ANKRD18A: variants seen among roughly 807,000 people sequenced by gnomAD.
ANKRD18A encodes the protein ankyrin repeat domain 18A.
In ANKRD18A, 72 loss-of-function variants were observed where a neutral mutation model predicts 110.6. The ratio of observed to expected loss-of-function variants is 0.65; its 90% CI spans 0.54 to 0.79. ANKRD18A has a LOEUF of 0.79. ANKRD18A is among the 30% of genes least tolerant of loss of function. The pLI, the probability that ANKRD18A is intolerant of heterozygous loss-of-function variation, is 0.00. For synonymous variants in ANKRD18A, 305 were observed against 410.3 expected, an observed-to-expected ratio of 0.74 and a Z score of 3.10; for missense variants, 934 against 1,163.3, an observed-to-expected ratio of 0.80 and a Z score of 2.87.
intron 3 of ANKRD18A, among the ~76,000 whole-genome samples, chr9:38,614,260 G>A (rs1428325042): frequency 8.3e-6 from 1 of 120,172 alleles, no homozygotes; most frequent in Non-Finnish European, 1.6e-5. Flanking sequence ...GTTGTGGTAA[G>A]AGACAAGAGT....
downstream of ANKRD18A, chr9:38,567,313 T>G (rs13293966): frequency 2.6e-5 from 4 of 152,062 alleles, no homozygotes; most frequent in Non-Finnish European, 4.4e-5. Context: ...CCTGGCACTA[T>G]CTCTTTGCTA....
At chr9:38,598,086 T>A (rs1824965225) in intron 8 of ANKRD18A, among the ~76,000 whole-genome samples, 1 of 152,216 alleles carries the variant, frequency 6.6e-6, no homozygotes, top group African/African-American at 2.4e-5. Flanking sequence ...TGGGAATATT[T>A]GTTGCAACTC....
chr9:38,602,458 C>T (rs1404138203), intron 7 of ANKRD18A, among the ~76,000 whole-genome samples: 2 of 152,116 alleles, frequency 1.3e-5, no homozygotes, highest in Admixed American at 1.3e-4. Context: ...AGGATGGTGA[C>T]AGGGGCATCA....
chr9:38,592,657 T>C (rs1824704828), intron 10 of ANKRD18A, among the ~76,000 whole-genome samples: 1 of 151,978 alleles, frequency 6.6e-6, no homozygotes, highest in South Asian at 2.1e-4. Flanking sequence ...GTTTTCATAA[T>C]AGCCAAAAAG....
intron 15 of ANKRD18A, 26 bp from the exon 16 acceptor site, chr9:38,572,085 T>C: frequency 6.6e-7 from 1 of 1,524,784 alleles, no homozygotes; most frequent in Non-Finnish European, 8.9e-7. Context: ...AAGGATTATG[T>C]TCTTTACCTA....
downstream of ANKRD18A, chr9:38,569,074 T>A (rs1823545972): frequency 3.0e-6 from 3 of 985,360 alleles, no homozygotes; most frequent in South Asian, 1.4e-4. Context: ...GCTTCTTCCA[T>A]GTTGGGCTGG....
At chr9:38,584,924 T>C (rs2118706695) in intron 12 of ANKRD18A, among the ~76,000 whole-genome samples, 1 of 152,268 alleles carries the variant, frequency 6.6e-6, no homozygotes. Flanking sequence ...TCTAACCTGA[T>C]TCTGGTACAG....
chr9:38,596,281 C>A lies in ANKRD18A; in HGVS notation c.1059G>T (p.Lys353Asn), dbSNP rs754057070. 5 of 1,538,412 alleles carry A rather than the reference C, an allele frequency of 3.3e-6. No individual in the cohort carries two copies. The South Asian group carries it at 3.8e-5, about 12-fold the overall frequency. Reference protein sequence around the residue: ...AIKNDSLRKEKKYIQEIKSIT... With the variant: ...AIKNDSLRKENKYIQEIKSIT... ...TGCTTTTAATTTCCTGAATATATTT[C>A]TTTTCCTTTCTGAGACTGTCATTTT... Residue 353 changes from lysine to asparagine, a missense_variant, in exon 9 of 16, where the codon AAG becomes AAT. Around this residue, in one of 4 missense-constraint regions of ANKRD18A, gnomAD observed 630 missense variants for 797.5 expected, o/e 0.79. Transcript: ENST00000399703.
At chr9:38,612,769 A>G (rs1271015287) in intron 3 of ANKRD18A, among the ~76,000 whole-genome samples, 13 of 151,988 alleles carry the variant, frequency 8.6e-5, no homozygotes, top group East Asian at 3.9e-4. Context: ...TGCCCGCCTC[A>G]GCCTCCCAAA....
intron 3 of ANKRD18A, among the ~76,000 whole-genome samples, chr9:38,613,738 G>A (rs1377719960): frequency 2.0e-5 from 3 of 152,048 alleles, no homozygotes; most frequent in Admixed American, 2.0e-4. Flanking sequence ...AAACTTAATA[G>A]GCATACTGAG....
Position 38,596,296 on chromosome 9 carries a change from A to C in ANKRD18A, c.1044T>G (p.Ser348Arg). ...GAATATATTTCTTTTCCTTTCTGAG[A>C]CTGTCATTTTTTATTGCATATAATT... ...KEELYAIKND[S>R]LRKEKKYIQE... is the part of the protein sequence containing the mutation. The change falls in exon 9 of 16, where the codon AGT becomes AGG. Residue 348 changes from serine to arginine, a missense_variant. Ser to Arg is a moderately radical substitution (Grantham distance 110). Coordinates refer to ENST00000399703, the MANE Select transcript of ANKRD18A (RefSeq NM_147195.4). 1 of 1,535,174 alleles carries C rather than the reference A, an allele frequency of 6.5e-7. No homozygotes were observed. Among genetic ancestry groups the C allele is most frequent in the Non-Finnish European group, 8.8e-7 (1 of 1,142,482 alleles).
chr9:38,608,637 A>T (rs1341207638), intron 5 of ANKRD18A, among the ~76,000 whole-genome samples: 4 of 146,726 alleles, frequency 2.7e-5, no homozygotes, highest in African/African-American at 4.9e-5. Context: ...TAAATATAAA[A>T]ATATAAAATA....
At chr9:38,569,692 G>A (rs186940420), downstream of ANKRD18A, among the ~76,000 whole-genome samples, 1 of 152,208 alleles carries the variant, frequency 6.6e-6, no homozygotes, top group East Asian at 1.9e-4. Context: ...TGTTTGTCTT[G>A]CTTCTCTGGC....
chr9:38,583,290 T>C (rs1211639345), intron 12 of ANKRD18A, among the ~76,000 whole-genome samples: 1 of 152,240 alleles, frequency 6.6e-6, no homozygotes, highest in South Asian at 2.1e-4. Flanking sequence ...GAAGTTACTG[T>C]ATGACCCAGA....
chr9:38,573,222 T>C, intron 15 of ANKRD18A: 1 of 641,322 alleles, frequency 1.6e-6, no homozygotes, highest in South Asian at 7.4e-5. Flanking sequence ...GCCCTTAGTA[T>C]TTTTAGTGAC....
At chr9:38,592,834 C>T (rs1359396116) in intron 10 of ANKRD18A, among the ~76,000 whole-genome samples, 4 of 152,150 alleles carry the variant, frequency 2.6e-5, no homozygotes, top group Admixed American at 2.6e-4. Context: ...TCAGAAAGGA[C>T]TTCATATTGT....
At chr9:38,600,045 C>T (rs1391799209) in intron 8 of ANKRD18A, among the ~76,000 whole-genome samples, 2 of 152,072 alleles carry the variant, frequency 1.3e-5, no homozygotes, top group Non-Finnish European at 2.9e-5. Context: ...ATAATTAAAA[C>T]TGAACTGTGA....
chr9:38,619,050 TC>T (rs1440365288), intron 1 of ANKRD18A, among the ~76,000 whole-genome samples: 1 of 151,536 alleles, frequency 6.6e-6, no homozygotes, highest in Non-Finnish European at 1.5e-5. Flanking sequence ...GAGTGTGTTA[TC>T]TTTTGTTAAT....
intron 11 of ANKRD18A, among the ~76,000 whole-genome samples, chr9:38,587,665 G>A (rs1824444099): frequency 6.6e-6 from 1 of 152,132 alleles, no homozygotes; most frequent in African/African-American, 2.4e-5. Flanking sequence ...TTTGAATGCA[G>A]CAGAGAAGAA....
Sources: gnomAD v4.1 joint callset for allele counts (sites outside exome capture counted in the v4.1 genomes callset) on GRCh38, gnomAD v4.1.1 for gene constraint, gnomAD v4.1.1 regional missense constraint, MANE v1.5 for transcripts, NCBI Gene and HGNC (gene_info 2026-07-23, HGNC 2026-07-21) for gene names.